ELF1: variants seen among roughly 807,000 people sequenced by gnomAD.
The protein encoded by ELF1 is ETS-related transcription factor Elf-1.
Under a neutral mutation model 59.9 loss-of-function variants are expected in ELF1, and 24 were observed. The ratio of observed to expected loss-of-function variants is 0.40; its 90% CI spans 0.29 to 0.56. ELF1 has a LOEUF of 0.56. Ranked by LOEUF, ELF1 falls within the 20% of genes least tolerant of loss-of-function variation. The probability of loss-of-function intolerance (pLI) is 0.44; values close to 1 mark genes in which losing one functional copy is unlikely to be tolerated. For missense variants in ELF1, 627 were observed against 742.2 expected (o/e 0.84, Z 1.80); for synonymous variants, 248 against 266.2 (o/e 0.93, Z 0.67).
intron 1 of ELF1, among the ~76,000 whole-genome samples, chr13:41,030,357 A>C (rs1475462536): frequency 2.0e-5 from 3 of 152,158 alleles, no homozygotes; most frequent in Non-Finnish European, 4.4e-5. Context: ...TTTTGAAAGG[A>C]AAGTTTTCAT....
intron 2 of ELF1, among the ~76,000 whole-genome samples, chr13:40,962,554 C>T (rs768779286): frequency 5.9e-5 from 9 of 151,702 alleles, no homozygotes; most frequent in East Asian, 1.9e-4. Context: ...GTCATGGTGA[C>T]GGGCACCTGC....
intron 6 of ELF1, 76 bp downstream of exon 6, chr13:40,943,765 TG>T: frequency 1.6e-6 from 2 of 1,221,330 alleles, no homozygotes; most frequent in Non-Finnish European, 2.3e-6. Context: ...AGAAAGCTGG[TG>T]GTTTCTAGTT....
chr13:41,044,147 G>A (rs919970256), intron 1 of ELF1, among the ~76,000 whole-genome samples: 8 of 152,194 alleles, frequency 5.3e-5, no homozygotes, highest in Non-Finnish European at 1.0e-4. Flanking sequence ...CATTGATTTT[G>A]TATCCTGAGA....
intron 8 of ELF1, 144 bp downstream of exon 8, chr13:40,940,777 T>C: frequency 1.2e-6 from 1 of 851,982 alleles, no homozygotes; most frequent in South Asian, 1.9e-5. Context: ...TAGTAACTGC[T>C]CCTGAAAAAT....
At chr13:41,054,119 A>G (rs767462862) in intron 1 of ELF1, among the ~76,000 whole-genome samples, 2 of 152,246 alleles carry the variant, frequency 1.3e-5, no homozygotes, top group South Asian at 2.1e-4. Flanking sequence ...ACATGCCACA[A>G]TATTTTAAAA....
At chr13:41,044,987 A>G (rs1318316609) in intron 1 of ELF1, among the ~76,000 whole-genome samples, 1 of 152,132 alleles carries the variant, frequency 6.6e-6, no homozygotes, top group East Asian at 1.9e-4. Flanking sequence ...TTATTGGTCT[A>G]TTCAGGGATT....
At chr13:40,987,109 G>C (rs568349793) in intron 1 of ELF1, among the ~76,000 whole-genome samples, 32 of 149,738 alleles carry the variant, frequency 2.1e-4, no homozygotes, top group Admixed American at 6.6e-4. Flanking sequence ...CTAATTTTTT[G>C]TATTTTTTAG....
At chr13:40,951,266 TAAAG>T (rs1870828278) in intron 4 of ELF1, 59 bp downstream of exon 4, 14 of 1,293,322 alleles carry the variant, frequency 1.1e-5, no homozygotes, top group Admixed American at 2.0e-5. Context: ...ATTTTACTAA[TAAAG>T]AAAGATGGCA....
chr13:40,973,514 G>C (rs913602636), intron 2 of ELF1, among the ~76,000 whole-genome samples: 1 of 152,072 alleles, frequency 6.6e-6, no homozygotes, highest in Non-Finnish European at 1.5e-5. Flanking sequence ...TGTGCTATGT[G>C]TTCACTGAAA....
At chr13:41,001,405 T>G (rs368833312) in intron 1 of ELF1, among the ~76,000 whole-genome samples, 2 of 152,100 alleles carry the variant, frequency 1.3e-5, no homozygotes, top group Non-Finnish European at 2.9e-5. Flanking sequence ...CCAGGCAACA[T>G]AGCAAGACTC....
At chr13:40,963,036 C>T (rs368983948) in intron 2 of ELF1, among the ~76,000 whole-genome samples, 1 of 152,170 alleles carries the variant, frequency 6.6e-6, no homozygotes. Flanking sequence ...TTAATATGCA[C>T]GAGACATTTT....
chr13:40,959,228 G>T (rs1191592379), intron 2 of ELF1, among the ~76,000 whole-genome samples: 1 of 152,168 alleles, frequency 6.6e-6, no homozygotes, highest in East Asian at 1.9e-4. Flanking sequence ...TGGGCGCGGT[G>T]ACTCACACCT....
intron 3 of ELF1, among the ~76,000 whole-genome samples, chr13:40,954,479 G>A (rs923402484): frequency 6.4e-5 from 9 of 140,616 alleles, no homozygotes; most frequent in African/African-American, 1.5e-4. Context: ...CTCTTTCCAC[G>A]GTCTCCCCCT....
chr13:41,028,414 A>G (rs1204239954), intron 1 of ELF1, among the ~76,000 whole-genome samples: 5 of 152,256 alleles, frequency 3.3e-5, no homozygotes, highest in African/African-American at 1.2e-4. Flanking sequence ...CTAATAGCCC[A>G]GACCCTTTAA....
At chr13:40,959,753 T>C (rs1318283290) in intron 2 of ELF1, among the ~76,000 whole-genome samples, 1 of 100,796 alleles carries the variant, frequency 9.9e-6, no homozygotes, top group African/African-American at 4.2e-5. Flanking sequence ...ATATTAAGAG[T>C]ATAAACTATT....
chr13:41,051,313 T>A (rs918960963), intron 1 of ELF1, among the ~76,000 whole-genome samples: 23 of 152,046 alleles, frequency 1.5e-4, no homozygotes, highest in Middle Eastern at 6.8e-3. Flanking sequence ...AGCTTATGTT[T>A]TGCCTCCCTT....
chr13:41,012,458 A>G (rs1875127444), intron 1 of ELF1, among the ~76,000 whole-genome samples: 1 of 151,276 alleles, frequency 6.6e-6, no homozygotes, highest in African/African-American at 2.4e-5. Flanking sequence ...GGTCATCTAC[A>G]GTTAAAGCTT....
At chr13:40,947,691 T>C (rs1298622771) in intron 5 of ELF1, among the ~76,000 whole-genome samples, 1 of 152,182 alleles carries the variant, frequency 6.6e-6, no homozygotes, top group Non-Finnish European at 1.5e-5. Flanking sequence ...AGGTGGGTTA[T>C]ACATTCAACC....
chr13:41,023,766 G>A (rs1458510187), upstream of ELF1, among the ~76,000 whole-genome samples: 2 of 152,122 alleles, frequency 1.3e-5, no homozygotes, highest in Non-Finnish European at 2.9e-5. Context: ...CTTATCAAAG[G>A]CAAAAGGGGC....
Sources: gnomAD v4.1 joint callset for allele counts (sites outside exome capture counted in the v4.1 genomes callset) on GRCh38, gnomAD v4.1.1 for gene constraint, MANE v1.5 for transcripts, NCBI Gene and HGNC (gene_info 2026-07-23, HGNC 2026-07-21) for gene names.